Variants in TADA2A observed in about 807,000 individuals in gnomAD.
The protein encoded by TADA2A is transcriptional adaptor 2A, also known as transcriptional adapter 2-alpha.
A neutral mutation model predicts 67.4 loss-of-function variants in TADA2A; 38 were observed. The ratio of observed to expected loss-of-function variants is 0.56; its 90% CI spans 0.44 to 0.74. The LOEUF (loss-of-function observed/expected upper bound fraction) is 0.74, where lower values mean the gene tolerates loss of function less well. Among genes scored for constraint, TADA2A ranks in the 30% least tolerant of loss-of-function variants. TADA2A has a pLI of 0.00. For missense variants in TADA2A, 454 were observed against 547.0 expected (o/e 0.83, Z 1.70); for synonymous variants, 192 against 181.6 (o/e 1.06, Z -0.46).
chr17:37,417,177 C>T (rs1372971383), intron 2 of TADA2A, among the ~76,000 whole-genome samples: 1 of 150,896 alleles, frequency 6.6e-6, no homozygotes, highest in African/African-American at 2.4e-5. Flanking sequence ...GTCAGGAGTT[C>T]GAGACCAGCC....
chr17:37,447,665 A>C (rs1424129213), intron 8 of TADA2A, among the ~76,000 whole-genome samples: 1 of 152,194 alleles, frequency 6.6e-6, no homozygotes, highest in Non-Finnish European at 1.5e-5. Flanking sequence ...ACTACAGACC[A>C]AAGGAATGAC....
chr17:37,466,283 G>A (rs976758042), intron 11 of TADA2A, among the ~76,000 whole-genome samples: 1 of 152,194 alleles, frequency 6.6e-6, no homozygotes, highest in African/African-American at 2.4e-5. Flanking sequence ...AGCCAGGCAT[G>A]GTAGTGCACA....
At chr17:37,408,042 A>C (rs971599878) in intron 1 of TADA2A, 1 of 151,356 alleles carries the variant, frequency 6.6e-6, no homozygotes, top group Admixed American at 6.6e-5. Flanking sequence ...GCCCGCCACC[A>C]CACCTGGCTA....
intron 2 of TADA2A, among the ~76,000 whole-genome samples, chr17:37,416,120 ATT>A (rs34824290): frequency 4.5e-4 from 63 of 139,050 alleles, no homozygotes; most frequent in Middle Eastern, 3.6e-3. Flanking sequence ...CTCCCTCTCA[ATT>A]TTTTTTTTTT....
At chr17:37,446,162 A>G (rs2053075426) in intron 8 of TADA2A, among the ~76,000 whole-genome samples, 1 of 149,976 alleles carries the variant, frequency 6.7e-6, no homozygotes, top group South Asian at 2.1e-4. Context: ...AACTTTAAGG[A>G]AAGTCAAAGT....
intron 8 of TADA2A, among the ~76,000 whole-genome samples, chr17:37,448,034 C>G (rs1406137518): frequency 6.6e-6 from 1 of 152,150 alleles, no homozygotes; most frequent in African/African-American, 2.4e-5. Flanking sequence ...GTAAATGTCT[C>G]TAATGAAACA....
intron 1 of TADA2A, chr17:37,408,478 C>G (rs1307991309): frequency 1.3e-5 from 2 of 151,424 alleles, no homozygotes; most frequent in Non-Finnish European, 2.9e-5. Flanking sequence ...CTCGAACTGC[C>G]GACTTCAGGT....
chr17:37,444,057 G>A (rs1005422373), intron 7 of TADA2A, among the ~76,000 whole-genome samples: 16 of 151,908 alleles, frequency 1.1e-4, no homozygotes, highest in Non-Finnish European at 1.9e-4. Context: ...GGGCAACATG[G>A]CAAAACGCTG....
intron 2 of TADA2A, among the ~76,000 whole-genome samples, chr17:37,416,164 G>T (rs1203052981): frequency 6.7e-6 from 1 of 148,522 alleles, no homozygotes; most frequent in African/African-American, 2.5e-5. Flanking sequence ...TGTCACCCAG[G>T]CTGGAGTGCA....
chr17:37,409,776 A>AC (rs1280618646), intron 1 of TADA2A, among the ~76,000 whole-genome samples: 1 of 139,168 alleles, frequency 7.2e-6, no homozygotes, highest in African/African-American at 2.6e-5. Flanking sequence ...TCAAAAAAAA[A>AC]CAAAAACAAA....
intron 2 of TADA2A, among the ~76,000 whole-genome samples, chr17:37,411,670 TCCAC>T (rs1306678102): frequency 6.6e-6 from 1 of 151,810 alleles, no homozygotes; most frequent in African/African-American, 2.4e-5. Context: ...CCTCAGGTGA[TCCAC>T]CCACCTCGGC....
At chr17:37,470,598 T>C (rs2053765713) in intron 13 of TADA2A, 66 bp downstream of exon 13, 1 of 1,453,586 alleles carries the variant, frequency 6.9e-7, no homozygotes, top group African/African-American at 1.5e-5. Flanking sequence ...ACATATATTT[T>C]TGGGCACCCT....
rs905122036 is a variant in TADA2A, at chr17:37,470,487, A to AG, written c.985dup (p.Asp329GlyfsTer3). 8 of 1,604,594 alleles carry AG rather than the reference A, an allele frequency of 5.0e-6. No homozygotes were observed. The Admixed American group carries it at 1.0e-4, about 21-fold the overall frequency. ...CTCTCAGAAGTTCTCCAGTATATCC[A>AG]GGACAGTAGTGCTTGCCAGCAGTGG... On this transcript the variant is annotated frameshift_variant, in exon 13 of 16. Coordinates refer to ENST00000615182, the MANE Select transcript of TADA2A (RefSeq NM_001166105.3). LOFTEE classifies it high-confidence loss of function.
At chr17:37,427,599 C>G (rs1157847728) in intron 4 of TADA2A, among the ~76,000 whole-genome samples, 1 of 152,156 alleles carries the variant, frequency 6.6e-6, no homozygotes, top group African/African-American at 2.4e-5. Context: ...TCGTAGTGTC[C>G]TTCCAAGCCC....
chr17:37,465,142 C>T (rs1349259816), intron 10 of TADA2A, among the ~76,000 whole-genome samples: 2 of 150,128 alleles, frequency 1.3e-5, no homozygotes. Context: ...AGCGAGACTC[C>T]ATCTCAAAAA....
intron 1 of TADA2A, chr17:37,407,450 C>G (rs748808468): frequency 1.3e-5 from 2 of 152,270 alleles, no homozygotes; most frequent in Non-Finnish European, 2.9e-5. Context: ...CTTTCCTCCT[C>G]CCAACGTGGA....
At chr17:37,475,768 T>C (rs2053880908) in intron 15 of TADA2A, among the ~76,000 whole-genome samples, 1 of 152,200 alleles carries the variant, frequency 6.6e-6, no homozygotes. Flanking sequence ...CCGGCCTGAT[T>C]AAAAAATTAT....
intron 4 of TADA2A, 72 bp from the exon 5 acceptor site, chr17:37,437,666 C>T (rs1289341489): frequency 8.8e-6 from 12 of 1,364,134 alleles, no homozygotes; most frequent in Non-Finnish European, 1.0e-5. Flanking sequence ...GGAGTATAGG[C>T]GTGAGCCACC....
intron 8 of TADA2A, among the ~76,000 whole-genome samples, chr17:37,446,566 C>G (rs2053087204): frequency 1.3e-5 from 2 of 151,550 alleles, no homozygotes; most frequent in African/African-American, 2.4e-5. Flanking sequence ...GAGTTCAAGA[C>G]CAGCCTGGGC....
Sources: gnomAD v4.1 joint callset for allele counts (sites outside exome capture counted in the v4.1 genomes callset) on GRCh38, gnomAD v4.1.1 for gene constraint, MANE v1.5 for transcripts, NCBI Gene and HGNC (gene_info 2026-07-23, HGNC 2026-07-21) for gene names.